Variants in GDF11 observed in about 807,000 individuals in gnomAD.
GDF11 encodes growth/differentiation factor 11.
GDF11 carries 12 observed loss-of-function variants against 34.4 expected under a neutral mutation model. The ratio of observed to expected loss-of-function variants is 0.35; its 90% CI spans 0.22 to 0.57. The LOEUF (loss-of-function observed/expected upper bound fraction) is 0.57, where lower values mean the gene tolerates loss of function less well. GDF11 is among the 20% of genes least tolerant of loss of function. GDF11 has a pLI of 0.86. For missense variants in GDF11, 346 were observed against 548.2 expected (o/e 0.63, Z 3.68); for synonymous variants, 212 against 231.1 (o/e 0.92, Z 0.75).
At position 55,749,846 on chromosome 12, in the gene GDF11, C is replaced by A; in HGVS notation, c.1188C>A (p.Ile396=). The A allele has an allele frequency of 1.9e-6, 3 of 1,613,968 alleles. No homozygotes were observed. Among genetic ancestry groups the A allele is most frequent in the Non-Finnish European group, 2.5e-6 (3 of 1,179,956 alleles). The part of the protein sequence containing the change: ...NDKQQIIYGK[I]PGMVVDRCGC... The stretch of plus-strand genomic sequence containing the variant: ...AGCAGCAGATTATCTACGGCAAGAT[C>A]CCTGGCATGGTGGTGGATCGCTGTG... The change falls in exon 3 of 3, where the codon ATC becomes ATA. Residue 396 remains isoleucine, a synonymous_variant. Transcript: ENST00000257868. This position sits in a 1 kb window ranked among gnomAD's most constrained non-coding sequence, Gnocchi z 5.6.
chr12:55,743,283 C>T lies in GDF11; in HGVS notation c.-34C>T. The T allele has an allele frequency of 1.2e-6, 1 of 853,160 alleles. No homozygotes were observed. The allele number at this position is 853,160 out of a possible 1,614,324, so 52.8% of individuals were successfully genotyped here. A position where few individuals can be genotyped will look rare whatever the true frequency, so the allele number is the denominator to read the frequency against. On this transcript the variant is annotated 5_prime_UTR_variant, in exon 1 of 3. Transcript: ENST00000257868. ...CCCTCCCCGCGGGACTCCGGCGTCC[C>T]CGCCCCCCAGTCCTCCCTCCCCTCC...
chr12:55,746,709 GGTTT>G (rs758803454), intron 1 of GDF11, among the ~76,000 whole-genome samples: 8 of 152,152 alleles, frequency 5.3e-5, no homozygotes, highest in Admixed American at 1.3e-4. Context: ...AATAAATGTT[GGTTT>G]GTTTGTTTCC....
Position 55,752,381 on chromosome 12 carries a change from G to C in GDF11, c.*2499G>C, listed in dbSNP as rs530179014. ...AGACCTTTGTGTGTGTGTGGTGGGTGGGGGGGGGGCAGGGGTCTTTCTCTT... is the reference window on the plus strand; with the variant it reads ...AGACCTTTGTGTGTGTGTGGTGGGTCGGGGGGGGGCAGGGGTCTTTCTCTT... On this transcript the variant is annotated 3_prime_UTR_variant, in exon 3 of 3. Transcript: ENST00000257868. 1.1e-5 allele frequency: 1 copy of C among 92,470 alleles called. No homozygotes were observed. The highest frequency in any genetic ancestry group is 5.6e-5 in the African/African-American group (1 of 17,982). The allele number at this position is 92,470 out of a possible 1,614,324, so 5.7% of individuals were successfully genotyped here. A position where few individuals can be genotyped will look rare whatever the true frequency, so the allele number is the denominator to read the frequency against.
chr12:55,746,819 T>A (rs1314877620), intron 1 of GDF11, among the ~76,000 whole-genome samples: 1 of 152,238 alleles, frequency 6.6e-6, no homozygotes, highest in Non-Finnish European at 1.5e-5. Flanking sequence ...TAAGGTTAGA[T>A]AGTGGTTAGT....
At position 55,750,408 on chromosome 12, in the gene GDF11, C is replaced by CAGGGGA. The variant is rs1207904963; in HGVS notation, c.*535_*540dup. ...CTCCTTCTCTCCCTCCAACAGTGGC[C>CAGGGGA]AGGGGAAGGGGAAGTGAGGGCAGGG... On this transcript the variant is annotated 3_prime_UTR_variant, in exon 3 of 3. Transcript: ENST00000257868. 4 of 152,580 alleles carry CAGGGGA rather than the reference C, an allele frequency of 2.6e-5. No homozygotes were observed. Among genetic ancestry groups the CAGGGGA allele is most frequent in the African/African-American group, 7.2e-5 (3 of 41,418 alleles). 9.5% of individuals were successfully genotyped at this position (152,580 alleles called of 1,614,324 possible).
At position 55,749,519 on chromosome 12, in the gene GDF11, T is replaced by C; in HGVS notation, c.861T>C (p.Leu287=). 6.2e-7 allele frequency: 1 copy of C among 1,609,344 alleles called. No homozygotes were observed. Among genetic ancestry groups the C allele is most frequent in the Non-Finnish European group, 8.5e-7 (1 of 1,176,252 alleles). ...GAEGLHPFME[L]RVLENTKRSR... is the part of the protein sequence containing the mutation. Reference sequence around the variant, plus strand: ...ACCCTCAGCATCCATTCATGGAGCTTCGAGTCCTAGAGAACACAAAACGTT... The same window carrying C: ...ACCCTCAGCATCCATTCATGGAGCTCCGAGTCCTAGAGAACACAAAACGTT... The change falls in exon 3 of 3, where the codon CTT becomes CTC. Residue 287 remains leucine, a synonymous_variant. Coordinates refer to ENST00000257868, the MANE Select transcript of GDF11 (RefSeq NM_005811.5). The surrounding 1 kb of genome is among the most constrained non-coding windows in gnomAD (Gnocchi z 5.6).
At chr12:55,744,185 CG>C (rs1878130373) in intron 1 of GDF11, among the ~76,000 whole-genome samples, 1 of 152,170 alleles carries the variant, frequency 6.6e-6, no homozygotes, top group Admixed American at 6.5e-5. Context: ...GTGGCCCTGG[CG>C]GTAACTCCCC....
intron 1 of GDF11, 30 bp downstream of exon 1, chr12:55,743,791 G>C: frequency 6.7e-7 from 1 of 1,489,672 alleles, no homozygotes; most frequent in Non-Finnish European, 9.0e-7. Context: ...CGAGCAGTGG[G>C]GTGCTGGCTC....
In GDF11 at chr12:55,749,411, A is replaced by AT; in HGVS notation, c.844-89dup. On this transcript the variant is annotated intron_variant, in intron 2 of 2. Coordinates refer to ENST00000257868, the MANE Select transcript of GDF11 (RefSeq NM_005811.5). This position sits in a 1 kb window ranked among gnomAD's most constrained non-coding sequence, Gnocchi z 5.6. ...AAAAGCTGAGAAGTCAGCAGTCTCT[A>AT]TTCTGATGCCCCTGGCAGGTGGGAA... is the stretch of plus-strand genomic sequence containing the variant. 7.3e-7 allele frequency: 1 copy of AT among 1,378,200 alleles called. No homozygotes were observed. The highest frequency in any genetic ancestry group is 1.4e-5 in the South Asian group (1 of 71,602). 85.4% of individuals were successfully genotyped at this position (1,378,200 alleles called of 1,614,324 possible).
intron 1 of GDF11, 139 bp downstream of exon 1, chr12:55,743,900 G>A: frequency 3.0e-6 from 2 of 669,344 alleles, no homozygotes; most frequent in Non-Finnish European, 4.9e-6. Flanking sequence ...AGGGAGCGGG[G>A]GCTACTTCAT....
In GDF11 at chr12:55,748,553, C is replaced by A. The variant is rs750238991; in HGVS notation, c.446-33C>A. On this transcript the variant is annotated intron_variant, in intron 1 of 2. Coordinates refer to ENST00000257868, the MANE Select transcript of GDF11 (RefSeq NM_005811.5). The surrounding 1 kb of genome is among the most constrained non-coding windows in gnomAD (Gnocchi z 5.6). Reference sequence around the variant, plus strand: ...ACTACTGATCCCCTACACAAACACCCTTTGCTGATGCTGTGCCCTTCTCTC... The same window carrying A: ...ACTACTGATCCCCTACACAAACACCATTTGCTGATGCTGTGCCCTTCTCTC... 2.6e-6 allele frequency: 4 copies of A among 1,566,608 alleles called. No individual in the cohort carries two copies. The highest frequency in any genetic ancestry group is 3.5e-6 in the Non-Finnish European group (4 of 1,154,226).
Position 55,755,861 on chromosome 12 carries a change from A to C in GDF11, c.*5979A>C, listed in dbSNP as rs145756614. 7.2e-5 allele frequency: 11 copies of C among 152,296 alleles called. No homozygotes were observed. Among genetic ancestry groups the C allele is most frequent in the African/African-American group, 2.6e-4 (11 of 41,550 alleles). The allele number at this position is 152,296 out of a possible 1,614,324, so 9.4% of individuals were successfully genotyped here. On this transcript the variant is annotated 3_prime_UTR_variant, in exon 3 of 3. Coordinates refer to ENST00000257868, the MANE Select transcript of GDF11 (RefSeq NM_005811.5). ...TCTAGGGGAAGTAAGATGAGTGAGG[A>C]GAATAATTAGGCTTCAAGAAGAGAA...
chr12:55,749,368 TG>T lies in GDF11; in HGVS notation c.844-129del. On this transcript the variant is annotated intron_variant, in intron 2 of 2. Transcript: ENST00000257868. The surrounding 1 kb of genome is among the most constrained non-coding windows in gnomAD (Gnocchi z 5.6). ...AGAAAAGTGGGCAAAAGATAAATTC[TG>T]GGGGTGGGAGCAATGGAAAAGCTGA... 2.1e-6 allele frequency: 2 copies of T among 945,590 alleles called. No individual in the cohort carries two copies. The highest frequency in any genetic ancestry group is 3.1e-6 in the Non-Finnish European group (2 of 636,556). The allele number at this position is 945,590 out of a possible 1,614,324, so 58.6% of individuals were successfully genotyped here.
rs888963523 is a variant in GDF11 at position 55,744,010 on chromosome 12, C to G, written c.445+249C>G. On this transcript the variant is annotated intron_variant, in intron 1 of 2. Transcript: ENST00000257868. ...AATGGGGCGGGTTTCGAGATAGTGC[C>G]TTCCACCCCCAGTATGCTAAAAAGA... Among the ~76,000 whole-genome samples the G allele has an allele frequency of 1.3e-5, 2 of 152,208 alleles. 1 individual carries two copies. Among genetic ancestry groups the G allele is most frequent in the Middle Eastern group, 6.3e-3 (2 of 316 alleles).
intron 1 of GDF11, among the ~76,000 whole-genome samples, chr12:55,745,984 G>T (rs1040468104): frequency 1.6e-4 from 24 of 152,162 alleles, no homozygotes; most frequent in African/African-American, 5.5e-4. Flanking sequence ...GTGTGTTTGG[G>T]GGGGTTAGGG....
At chr12:55,745,920 G>A (rs1363846165) in intron 1 of GDF11, among the ~76,000 whole-genome samples, 1 of 145,932 alleles carries the variant, frequency 6.9e-6, no homozygotes, top group Non-Finnish European at 1.5e-5. Context: ...AGAGGCCCCT[G>A]CCCTCTCAGC....
chr12:55,749,902 C>T lies in GDF11; in HGVS notation c.*20C>T. On this transcript the variant is annotated 3_prime_UTR_variant, in exon 3 of 3. Transcript: ENST00000257868. This position sits in a 1 kb window ranked among gnomAD's most constrained non-coding sequence, Gnocchi z 5.6. ...TCTTAAGGTGGGGGATAGAGGATGC[C>T]TCCCCCACAGACCCTACCCCAAGAC... 1 of 1,591,568 alleles carries T rather than the reference C, an allele frequency of 6.3e-7. No individual in the cohort carries two copies. Among genetic ancestry groups the T allele is most frequent in the Non-Finnish European group, 8.6e-7 (1 of 1,165,790 alleles).
chr12:55,743,896 C>A, intron 1 of GDF11, 135 bp downstream of exon 1: 2 of 668,596 alleles, frequency 3.0e-6, no homozygotes, highest in Non-Finnish European at 4.9e-6. Context: ...AATTAGGGAG[C>A]GGGGGCTACT....
chr12:55,755,927 G>C lies in GDF11; in HGVS notation c.*6045G>C, dbSNP rs1483185283. The C allele has an allele frequency of 6.4e-5, 1 of 15,548 alleles. No individual in the cohort carries two copies. The highest frequency in any genetic ancestry group is 1.1e-4 in the Non-Finnish European group (1 of 9,084). 1.0% of individuals were successfully genotyped at this position (15,548 alleles called of 1,614,324 possible). A position where few individuals can be genotyped will look rare whatever the true frequency, so the allele number is the denominator to read the frequency against. On this transcript the variant is annotated 3_prime_UTR_variant, in exon 3 of 3. Coordinates refer to ENST00000257868, the MANE Select transcript of GDF11 (RefSeq NM_005811.5). ...CTGAATATCTTTCTGGAAGGTTATA[G>C]AGGATAAAGAGACGAAGAAAACTTC...
Sources: gnomAD v4.1 joint callset for allele counts (sites outside exome capture counted in the v4.1 genomes callset) on GRCh38, gnomAD v4.1.1 for gene constraint, Gnocchi (gnomAD v3.1) non-coding constraint, MANE v1.5 for transcripts, NCBI Gene and HGNC (gene_info 2026-07-23, HGNC 2026-07-21) for gene names.